Variants in MYO10 observed in about 807,000 individuals in gnomAD.
The protein encoded by MYO10 is unconventional myosin-X.
A neutral mutation model predicts 257.3 loss-of-function variants in MYO10; 133 were observed. The observed-to-expected ratio is 0.52, with a 90% CI of 0.45 to 0.60. MYO10 has a LOEUF of 0.60. Among genes scored for constraint, MYO10 ranks in the 20% least tolerant of loss-of-function variants. MYO10 has a pLI of 0.00. For missense variants in MYO10, 2,399 were observed against 2,635.7 expected (o/e 0.91, Z 1.97); for synonymous variants, 1,104 against 1,028.6 (o/e 1.07, Z -1.40).
chr5:16,834,017 C>T (rs185989091), intron 2 of MYO10, among the ~76,000 whole-genome samples: 1 of 152,000 alleles, frequency 6.6e-6, no homozygotes, highest in Non-Finnish European at 1.5e-5. Context: ...TCTGCCAGGC[C>T]CCCCCGAACG....
intron 9 of MYO10, 65 bp from the exon 10 acceptor site, chr5:16,769,268 C>A: frequency 1.4e-6 from 2 of 1,452,548 alleles, no homozygotes; most frequent in Non-Finnish European, 1.8e-6. Flanking sequence ...TGTAGAATAT[C>A]CCTGATAATA....
chr5:16,704,243 T>C (rs1489650647), intron 22 of MYO10, among the ~76,000 whole-genome samples: 1 of 152,098 alleles, frequency 6.6e-6, no homozygotes, highest in East Asian at 1.9e-4. Flanking sequence ...GAGAATTGCT[T>C]GAGCCCAGGA....
chr5:16,678,256 A>C (rs1736828103), intron 33 of MYO10, among the ~76,000 whole-genome samples: 1 of 152,174 alleles, frequency 6.6e-6, no homozygotes, highest in African/African-American at 2.4e-5. Context: ...CATGGAAAAC[A>C]ACCTGAATCT....
chr5:16,785,907 C>T (rs993518506), intron 4 of MYO10, among the ~76,000 whole-genome samples: 1 of 151,884 alleles, frequency 6.6e-6, no homozygotes, highest in Non-Finnish European at 1.5e-5. Context: ...ACAAAAAACC[C>T]GGCAGGCAGG....
chr5:16,675,484 T>G (rs1736681912), intron 34 of MYO10, among the ~76,000 whole-genome samples: 1 of 152,194 alleles, frequency 6.6e-6, no homozygotes, highest in Non-Finnish European at 1.5e-5. Flanking sequence ...ACACCTGTAA[T>G]CTCAGCACTT....
intron 2 of MYO10, among the ~76,000 whole-genome samples, chr5:16,865,244 T>C (rs1295935165): frequency 6.6e-6 from 1 of 152,160 alleles, no homozygotes; most frequent in Non-Finnish European, 1.5e-5. Context: ...CCTTTACTTT[T>C]AGGGTGGCTG....
At chr5:16,699,313 G>T (rs1235423747) in intron 26 of MYO10, 137 bp downstream of exon 26, 3 of 1,181,538 alleles carry the variant, frequency 2.5e-6, no homozygotes, top group East Asian at 5.1e-5. Context: ...AGGGTAGGTA[G>T]AACGACTTTC....
chr5:16,811,788 C>T (rs571476070), intron 3 of MYO10, among the ~76,000 whole-genome samples: 10 of 152,092 alleles, frequency 6.6e-5, no homozygotes, highest in Non-Finnish European at 1.3e-4. Context: ...TGGGCTCAAG[C>T]GATCCTCCCG....
intron 2 of MYO10, among the ~76,000 whole-genome samples, chr5:16,841,559 A>C (rs1743482131): frequency 6.6e-6 from 1 of 152,156 alleles, no homozygotes; most frequent in African/African-American, 2.4e-5. Flanking sequence ...GCTGGAGATT[A>C]ATGTTCATTT....
chr5:16,693,185 C>G (rs1737582868), intron 27 of MYO10, among the ~76,000 whole-genome samples: 2 of 152,126 alleles, frequency 1.3e-5, no homozygotes, highest in Non-Finnish European at 2.9e-5. Flanking sequence ...GGAGGATCAC[C>G]TGAGCCCAGG....
chr5:16,887,225 G>A (rs954826574), intron 1 of MYO10, among the ~76,000 whole-genome samples: 1 of 152,078 alleles, frequency 6.6e-6, no homozygotes, highest in South Asian at 2.1e-4. Flanking sequence ...TTCATCCAGA[G>A]GATAACATGA....
rs936818143 is a variant in MYO10, at chr5:16,713,340, T to C, written c.1930-2095A>G. Reference sequence around the variant, plus strand: ...TTCAGCCACACTCACCATCTTCCTGTCTCTCCAAGGGGCATCTCACCTTCA... The same window carrying C: ...TTCAGCCACACTCACCATCTTCCTGCCTCTCCAAGGGGCATCTCACCTTCA... On this transcript the variant is annotated intron_variant, in intron 19 of 40. Coordinates refer to ENST00000513610, the MANE Select transcript of MYO10 (RefSeq NM_012334.3). The C allele has an allele frequency of 7.1e-6, 7 of 985,816 alleles. No individual in the cohort carries two copies. In the South Asian group the frequency reaches 2.8e-4, roughly 40 times the overall value. The allele number at this position is 985,816 out of a possible 1,614,324, so 61.1% of individuals were successfully genotyped here. A position where few individuals can be genotyped will look rare whatever the true frequency, so the allele number is the denominator to read the frequency against.
intron 10 of MYO10, 54 bp downstream of exon 10, chr5:16,769,020 A>C (rs1159559492): frequency 6.5e-7 from 1 of 1,539,260 alleles, no homozygotes; most frequent in African/African-American, 1.4e-5. Context: ...ATTTAGGTTT[A>C]AGTTTCCCAC....
intron 3 of MYO10, among the ~76,000 whole-genome samples, chr5:16,806,150 G>A (rs1742269368): frequency 6.6e-6 from 1 of 151,266 alleles, no homozygotes. Flanking sequence ...TTTGAGACCA[G>A]CCTGGCCAAC....
At chr5:16,916,045 T>A in intron 1 of MYO10, 2 of 456,152 alleles carry the variant, frequency 4.4e-6, no homozygotes, top group South Asian at 1.5e-5. Flanking sequence ...ATTCAAAGCA[T>A]GTCGCTTACC....
intron 4 of MYO10, among the ~76,000 whole-genome samples, chr5:16,784,874 C>T (rs1579987803): frequency 6.6e-6 from 1 of 152,200 alleles, no homozygotes. Flanking sequence ...GGGATCTCCA[C>T]TGGTCTAGAC....
At chr5:16,871,668 C>A (rs1226637042) in intron 2 of MYO10, among the ~76,000 whole-genome samples, 3 of 152,018 alleles carry the variant, frequency 2.0e-5, no homozygotes, top group African/African-American at 7.2e-5. Flanking sequence ...GGCACCAGAA[C>A]CAGTTAAAGA....
intron 2 of MYO10, among the ~76,000 whole-genome samples, chr5:16,832,360 A>G (rs1249457656): frequency 2.0e-5 from 3 of 152,212 alleles, no homozygotes; most frequent in Non-Finnish European, 4.4e-5. Context: ...ATGTATCTGG[A>G]TAAATATAAG....
intron 3 of MYO10, 75 bp from the exon 4 acceptor site, chr5:16,794,908 G>C: frequency 8.5e-7 from 1 of 1,182,692 alleles, no homozygotes; most frequent in Non-Finnish European, 1.1e-6. Context: ...AAAACCCACC[G>C]AGTGTGCGCC....
Sources: gnomAD v4.1 joint callset for allele counts (sites outside exome capture counted in the v4.1 genomes callset) on GRCh38, gnomAD v4.1.1 for gene constraint, MANE v1.5 for transcripts, NCBI Gene and HGNC (gene_info 2026-07-23, HGNC 2026-07-21) for gene names.